EFCAB8: variants seen among roughly 807,000 people sequenced by gnomAD.
EFCAB8 encodes the protein EF-hand calcium-binding domain-containing protein 8.
A neutral mutation model predicts 116.3 loss-of-function variants in EFCAB8; 100 were observed. The ratio of observed to expected loss-of-function variants is 0.86; its 90% CI spans 0.73 to 1.02. The LOEUF (loss-of-function observed/expected upper bound fraction) is 1.02. EFCAB8 is among the 50% of genes least tolerant of loss of function. The probability of loss-of-function intolerance (pLI) is 0.00; values close to 1 mark genes in which losing one functional copy is unlikely to be tolerated. For synonymous variants in EFCAB8, 558 were observed against 567.9 expected (o/e 0.98, Z 0.25); for missense variants, 1,320 against 1,416.9 (o/e 0.93, Z 1.10).
At chr20:32,942,396 A>G (rs999332939) in intron 22 of EFCAB8, among the ~76,000 whole-genome samples, 1 of 152,096 alleles carries the variant, frequency 6.6e-6, no homozygotes, top group Non-Finnish European at 1.5e-5. Flanking sequence ...ATTATTTAAA[A>G]ATACATTAGG....
intron 23 of EFCAB8, among the ~76,000 whole-genome samples, chr20:32,954,649 CT>C (rs1287512000): frequency 6.6e-6 from 1 of 152,084 alleles, no homozygotes; most frequent in Non-Finnish European, 1.5e-5. Flanking sequence ...GAGATTTTGG[CT>C]TTTAATTTAG....
intron 22 of EFCAB8, among the ~76,000 whole-genome samples, chr20:32,932,752 A>T (rs1987956087): frequency 6.6e-6 from 1 of 152,238 alleles, no homozygotes; most frequent in Non-Finnish European, 1.5e-5. Context: ...TGAATAGTGA[A>T]TGTTATTTCA....
At chr20:32,909,967 G>T in intron 15 of EFCAB8, 36 bp downstream of exon 15, 1 of 1,149,766 alleles carries the variant, frequency 8.7e-7, no homozygotes, top group Non-Finnish European at 1.1e-6. Flanking sequence ...AGGCTGGCGG[G>T]AACACCAGGT....
At position 32,930,621 on chromosome 20, in the gene EFCAB8, G is replaced by A. The variant is rs1313389988; in HGVS notation, c.2631+5G>A. The A allele has an allele frequency of 1.3e-6, 2 of 1,551,818 alleles. No individual in the cohort carries two copies. Among genetic ancestry groups the A allele is most frequent in the East Asian group, 4.9e-5 (2 of 40,938 alleles). On this transcript the variant is annotated splice_donor_5th_base_variant and intron_variant, in intron 21 of 26. Coordinates refer to ENST00000400522, the MANE Select transcript of EFCAB8 (RefSeq NM_001143967.2). ...GATTGTAAAGGATACATCAAGGTGA[G>A]GAAGAACTGGCAGGAAGATTGAGGG...
At chr20:32,894,567 T>C (rs1443288131) in intron 9 of EFCAB8, among the ~76,000 whole-genome samples, 3 of 152,204 alleles carry the variant, frequency 2.0e-5, no homozygotes, top group Admixed American at 2.0e-4. Flanking sequence ...GATTGAAGGC[T>C]AGGGACAAAC....
intron 5 of EFCAB8, among the ~76,000 whole-genome samples, chr20:32,881,650 G>A (rs1985342289): frequency 6.6e-6 from 1 of 151,906 alleles, no homozygotes; most frequent in Admixed American, 6.6e-5. Context: ...CCTTTGCAAG[G>A]GACATCGGGT....
chr20:32,897,893 G>T (rs1210132918), intron 10 of EFCAB8, among the ~76,000 whole-genome samples: 2 of 152,150 alleles, frequency 1.3e-5, no homozygotes, highest in Admixed American at 1.3e-4. Context: ...TCTCCAACCC[G>T]CCTTTTCCAT....
At chr20:32,892,063 A>G in intron 7 of EFCAB8, 150 bp from the exon 8 acceptor site, 1 of 669,652 alleles carries the variant, frequency 1.5e-6, no homozygotes, top group Non-Finnish European at 2.6e-6. Context: ...GGGTGGGTTT[A>G]CTCTGTGAAC....
chr20:32,886,838 C>A (rs1441628729), intron 6 of EFCAB8, among the ~76,000 whole-genome samples: 1 of 152,210 alleles, frequency 6.6e-6, no homozygotes, highest in Non-Finnish European at 1.5e-5. Flanking sequence ...GGACCACACA[C>A]CCACTGTCAT....
In EFCAB8 at chr20:32,912,838, A is replaced by G. The variant is rs1000265387; in HGVS notation, c.1830A>G (p.Gly610=). 2.8e-6 allele frequency: 2 copies of G among 719,052 alleles called. No homozygotes were observed. Among genetic ancestry groups the G allele is most frequent in the South Asian group, 3.0e-5 (2 of 67,588 alleles). 44.5% of individuals were successfully genotyped at this position (719,052 alleles called of 1,614,324 possible). A position where few individuals can be genotyped will look rare whatever the true frequency, so the allele number is the denominator to read the frequency against. The change falls in exon 17 of 27, where the codon GGA becomes GGG. Residue 610 remains glycine (G), a synonymous_variant. Coordinates refer to ENST00000400522, the MANE Select transcript of EFCAB8 (RefSeq NM_001143967.2). ...TGAACAAAGTGTTCTATGTGACAGG[A>G]TGGAGTAAGAGAATCACTCATTTCC... ...IHMNKVFYVT[G]WSKRITHFLF... is the part of the protein sequence containing the mutation.
intron 22 of EFCAB8, among the ~76,000 whole-genome samples, chr20:32,939,127 CTTTCTTTCTTTCTTTCTT>C (rs1988258891): frequency 2.9e-5 from 1 of 34,544 alleles, no homozygotes; most frequent in Admixed American, 2.4e-4. Context: ...CTTTCTTTCT[CTTTCTTTCTTTCTTTCTT>C]TCTTTCTTTC....
chr20:32,864,336 C>G (rs112769170), intron 2 of EFCAB8, among the ~76,000 whole-genome samples: 361 of 151,990 alleles, frequency 2.4e-3, no homozygotes, highest in Middle Eastern at 0.017. Flanking sequence ...GTAGTCCCAG[C>G]ACTTTGTGAG....
intron 8 of EFCAB8, among the ~76,000 whole-genome samples, chr20:32,892,709 C>A (rs528824254): frequency 6.6e-6 from 1 of 152,138 alleles, no homozygotes; most frequent in Admixed American, 6.5e-5. Context: ...TCTCCTGGGC[C>A]CGTGTTTGTT....
intron 23 of EFCAB8, among the ~76,000 whole-genome samples, chr20:32,956,272 A>G (rs1261800239): frequency 2.0e-5 from 3 of 152,006 alleles, no homozygotes; most frequent in African/African-American, 4.8e-5. Context: ...ATGTCTTCCT[A>G]TAAGACATTG....
intron 3 of EFCAB8, among the ~76,000 whole-genome samples, chr20:32,871,359 G>A (rs556467035): frequency 4.0e-5 from 6 of 151,594 alleles, no homozygotes; most frequent in Non-Finnish European, 8.8e-5. Flanking sequence ...CTGAAGCCTC[G>A]ACCTCCTGGG....
chr20:32,949,720 C>T (rs538819930), intron 23 of EFCAB8, among the ~76,000 whole-genome samples: 16 of 152,224 alleles, frequency 1.1e-4, no homozygotes. Flanking sequence ...CAAAATGGGC[C>T]ATGCATGATG....
intron 1 of EFCAB8, among the ~76,000 whole-genome samples, chr20:32,862,678 A>T (rs1984172746): frequency 6.6e-6 from 1 of 152,098 alleles, no homozygotes; most frequent in Non-Finnish European, 1.5e-5. Context: ...CCCAGGCTAG[A>T]GTACAATGGC....
intron 24 of EFCAB8, 147 bp downstream of exon 24, chr20:32,958,697 G>T: frequency 2.5e-6 from 1 of 394,596 alleles, no homozygotes; most frequent in Non-Finnish European, 4.5e-6. Flanking sequence ...CTTGAGGGTT[G>T]CAGGCAGCTC....
rs1302952116 is a variant in EFCAB8, at chr20:32,906,832, C to T, written c.1157-11C>T. 2.9e-6 allele frequency: 4 copies of T among 1,365,108 alleles called. No homozygotes were observed. The South Asian group carries it at 5.0e-5, about 17-fold the overall frequency. The allele number at this position is 1,365,108 out of a possible 1,614,324, so 84.6% of individuals were successfully genotyped here. A position where few individuals can be genotyped will look rare whatever the true frequency, so the allele number is the denominator to read the frequency against. On this transcript the variant is annotated splice_polypyrimidine_tract_variant and intron_variant, in intron 12 of 26. Transcript: ENST00000400522. ...AGGCCCCTGGGACTGACACCCACGT[C>T]TTGACCACAGTGACTGGTGGCTACG...
Sources: allele counts gnomAD v4.1 joint callset (sites outside exome capture counted in the v4.1 genomes callset), GRCh38; gene constraint gnomAD v4.1.1; transcripts MANE v1.5; gene names NCBI Gene and HGNC (gene_info 2026-07-23, HGNC 2026-07-21).